The following CHRM3 variants were observed in gnomAD, a reference collection of about 807,000 sequenced individuals.
CHRM3 encodes cholinergic receptor muscarinic 3.
Under a neutral mutation model 41.8 loss-of-function variants are expected in CHRM3, and 11 were observed. The ratio of observed to expected loss-of-function variants is 0.26; its 90% CI spans 0.17 to 0.44. The LOEUF is 0.44. CHRM3 is among the 20% of genes least tolerant of loss of function. The probability of loss-of-function intolerance (pLI) is 1.00; values close to 1 mark genes in which losing one functional copy is unlikely to be tolerated. For missense variants in CHRM3, 571 were observed against 745.4 expected (o/e 0.77, Z 2.72); for synonymous variants, 297 against 301.4 (o/e 0.99, Z 0.15).
chr1:239,790,875 T>C (rs1669289041), intron 5 of CHRM3, among the ~76,000 whole-genome samples: 1 of 152,174 alleles, frequency 6.6e-6, no homozygotes, highest in African/African-American at 2.4e-5. Context: ...GGATAAAGTC[T>C]CATCTACTCC....
intron 5 of CHRM3, among the ~76,000 whole-genome samples, chr1:239,730,164 G>A (rs770214584): frequency 3.3e-5 from 5 of 151,740 alleles, no homozygotes; most frequent in Non-Finnish European, 7.4e-5. Flanking sequence ...CTGTATAGTT[G>A]GTTTTTTATT....
At chr1:239,407,507 A>G (rs1660710138) in intron 1 of CHRM3, among the ~76,000 whole-genome samples, 1 of 151,838 alleles carries the variant, frequency 6.6e-6, no homozygotes, top group African/African-American at 2.4e-5. Flanking sequence ...ATATGCTAGC[A>G]GAATGAATGC....
At chr1:239,503,648 C>A (rs563160527) in intron 2 of CHRM3, among the ~76,000 whole-genome samples, 185 of 152,272 alleles carry the variant, frequency 1.2e-3, no homozygotes, top group Non-Finnish European at 2.0e-3. Context: ...AGACATCACA[C>A]TACCTGATTT....
chr1:239,603,663 T>A (rs1301096836), intron 3 of CHRM3, among the ~76,000 whole-genome samples: 1 of 152,102 alleles, frequency 6.6e-6, no homozygotes, highest in East Asian at 1.9e-4. Flanking sequence ...AGAGGAAATA[T>A]TAGATATTTC....
intron 3 of CHRM3, among the ~76,000 whole-genome samples, chr1:239,588,443 A>G (rs1477272134): frequency 6.6e-6 from 1 of 152,198 alleles, no homozygotes; most frequent in Non-Finnish European, 1.5e-5. Context: ...CTGAATGCTC[A>G]TTAATTCAAT....
intron 4 of CHRM3, among the ~76,000 whole-genome samples, chr1:239,673,164 G>C (rs891410628): frequency 1.6e-4 from 25 of 152,266 alleles, no homozygotes; most frequent in African/African-American, 6.0e-4. Flanking sequence ...CCTTCAAGCA[G>C]AGAATGAAGG....
chr1:239,617,363 C>T (rs1667747908), intron 3 of CHRM3, among the ~76,000 whole-genome samples: 1 of 152,142 alleles, frequency 6.6e-6, no homozygotes. Context: ...CTACTCTAAA[C>T]CCTATCATCT....
rs1572670240 is a variant in CHRM3, at chr1:239,912,283, T to A, written c.*3059T>A. The A allele has an allele frequency of 6.0e-6, 1 of 167,252 alleles. No homozygotes were observed. The highest frequency in any genetic ancestry group is 2.1e-4 in the South Asian group (1 of 4,840). 10.4% of individuals were successfully genotyped at this position (167,252 alleles called of 1,614,324 possible). ...TCTGGTCCCCTAGATCCCTCGGCTC[T>A]GCTCTCCTTTGCCCATCAGCTCCCT... On this transcript the variant is annotated 3_prime_UTR_variant, in exon 7 of 7. Coordinates refer to ENST00000676153, the MANE Select transcript of CHRM3 (RefSeq NM_001375978.1).
At chr1:239,794,112 C>T (rs1040944015) in intron 5 of CHRM3, among the ~76,000 whole-genome samples, 5 of 151,990 alleles carry the variant, frequency 3.3e-5, no homozygotes, top group Non-Finnish European at 7.4e-5. Context: ...GCCTAAATTA[C>T]CCACTTTAAA....
At chr1:239,834,507 A>G (rs1475345199) in intron 6 of CHRM3, among the ~76,000 whole-genome samples, 1 of 151,954 alleles carries the variant, frequency 6.6e-6, no homozygotes, top group African/African-American at 2.4e-5. Flanking sequence ...AGAAATACCC[A>G]GCCACTAAGC....
At chr1:239,563,815 GA>G (rs970609727) in intron 3 of CHRM3, among the ~76,000 whole-genome samples, 6 of 151,912 alleles carry the variant, frequency 3.9e-5, no homozygotes, top group Middle Eastern at 3.4e-3. Flanking sequence ...ATCCTGCTGG[GA>G]AAAAAAAGTG....
intron 3 of CHRM3, among the ~76,000 whole-genome samples, chr1:239,594,003 G>A (rs1320002401): frequency 6.6e-6 from 1 of 152,060 alleles, no homozygotes; most frequent in East Asian, 1.9e-4. Flanking sequence ...TTATCATCAA[G>A]CATGTAATAC....
At chr1:239,874,292 T>TATATAC (rs1425636421) in intron 6 of CHRM3, among the ~76,000 whole-genome samples, 3 of 67,382 alleles carry the variant, frequency 4.5e-5, no homozygotes, top group African/African-American at 2.0e-4. Context: ...ACAGTATATA[T>TATATAC]ATATATATAT....
intron 5 of CHRM3, among the ~76,000 whole-genome samples, chr1:239,695,151 C>T (rs1421008072): frequency 7.9e-5 from 12 of 152,132 alleles, no homozygotes; most frequent in Admixed American, 4.6e-4. Context: ...GCTGGGACTA[C>T]AGGCGCATGC....
intron 1 of CHRM3, among the ~76,000 whole-genome samples, chr1:239,460,004 T>G (rs375993780): frequency 1.3e-5 from 2 of 152,172 alleles, no homozygotes; most frequent in African/African-American, 2.4e-5. Context: ...AACAGCCCTC[T>G]GAGGAAGGTA....
intron 2 of CHRM3, among the ~76,000 whole-genome samples, chr1:239,545,420 A>G (rs559861275): frequency 8.5e-5 from 13 of 152,314 alleles, no homozygotes; most frequent in Admixed American, 2.0e-4. Context: ...CTTCACCACT[A>G]TAAAATTCAC....
At chr1:239,403,950 AGGGAGGGAGGGAGGGAGAGGGAGGGG>A (rs1660195595) in intron 1 of CHRM3, among the ~76,000 whole-genome samples, 1 of 92,752 alleles carries the variant, frequency 1.1e-5, no homozygotes, top group Non-Finnish European at 2.0e-5. Context: ...GGAGAGAGAG[AGGGAGGGAGGGAGGGAGAGGGAGGGG>A]GAGAGAGAGA....
chr1:239,562,169 C>G lies in CHRM3; in HGVS notation c.-313+16420C>G, dbSNP rs905455637. On this transcript the variant is annotated intron_variant, in intron 3 of 6. Transcript: ENST00000676153. ...GACAGCAACCACAATCATTTCTGAT[C>G]AGTCCGTGCAGGCCATGTGTACCTG... is the stretch of plus-strand genomic sequence containing the variant. 3.9e-5 allele frequency among the ~76,000 whole-genome samples: 6 copies of G among 152,186 alleles called. No individual in the cohort carries two copies. The East Asian group carries it at 1.2e-3, about 29-fold the overall frequency.
intron 3 of CHRM3, among the ~76,000 whole-genome samples, chr1:239,622,822 T>G (rs900397969): frequency 6.6e-6 from 1 of 152,210 alleles, no homozygotes; most frequent in Non-Finnish European, 1.5e-5. Context: ...TGGTTCCAAT[T>G]TTTAAAAAGT....
Sources: allele counts gnomAD v4.1 joint callset (sites outside exome capture counted in the v4.1 genomes callset), GRCh38; gene constraint gnomAD v4.1.1; transcripts MANE v1.5; gene names NCBI Gene and HGNC (gene_info 2026-07-23, HGNC 2026-07-21).